The following PTH2R variants were observed in gnomAD, a reference collection of about 807,000 sequenced individuals.
PTH2R encodes the protein parathyroid hormone 2 receptor.
PTH2R carries 59 observed loss-of-function variants against 60.3 expected under a neutral mutation model. The observed-to-expected ratio is 0.98, with a 90% CI of 0.79 to 1.22. PTH2R has a LOEUF of 1.22. PTH2R is among the 50% of genes most tolerant of loss of function. The pLI is 0.00. For synonymous variants in PTH2R, 256 were observed against 243.8 expected (o/e 1.05, Z -0.47); for missense variants, 749 against 682.6 (o/e 1.10, Z -1.08).
At chr2:208,395,890 A>G (rs967815803) in intron 1 of PTH2R, among the ~76,000 whole-genome samples, 1 of 152,244 alleles carries the variant, frequency 6.6e-6, no homozygotes, top group African/African-American at 2.4e-5. Flanking sequence ...TGGAGGCATC[A>G]TGCTACCTGA....
chr2:208,445,008 T>C, intron 7 of PTH2R, 121 bp downstream of exon 7: 1 of 1,022,776 alleles, frequency 9.8e-7, no homozygotes, highest in Non-Finnish European at 1.4e-6. Flanking sequence ...ATTCTTATTT[T>C]TTATCTCCCT....
At chr2:208,401,560 T>A (rs557182672) in intron 1 of PTH2R, among the ~76,000 whole-genome samples, 1 of 152,258 alleles carries the variant, frequency 6.6e-6, no homozygotes, top group East Asian at 1.9e-4. Context: ...GTATTTTTTT[T>A]AAACTTAATC....
chr2:208,438,497 T>A (rs1702122169), intron 4 of PTH2R, among the ~76,000 whole-genome samples: 1 of 152,200 alleles, frequency 6.6e-6, no homozygotes, highest in South Asian at 2.1e-4. Flanking sequence ...AGAGCCCTTA[T>A]GTCCCAATTT....
At chr2:208,430,926 A>G (rs2105858156) in intron 2 of PTH2R, among the ~76,000 whole-genome samples, 1 of 152,216 alleles carries the variant, frequency 6.6e-6, no homozygotes, top group African/African-American at 2.4e-5. Context: ...CTCTGTATCT[A>G]GGTATAGATT....
chr2:208,430,577 C>T (rs1227151680), intron 2 of PTH2R, among the ~76,000 whole-genome samples: 1 of 140,636 alleles, frequency 7.1e-6, no homozygotes, highest in Admixed American at 7.5e-5. Flanking sequence ...GACGGAGTCT[C>T]GCTCTGTCAC....
chr2:208,490,388 A>G (rs558471418), intron 11 of PTH2R, among the ~76,000 whole-genome samples: 1 of 152,314 alleles, frequency 6.6e-6, no homozygotes, highest in Non-Finnish European at 1.5e-5. Context: ...AATAGGATAG[A>G]AACCTATTCC....
intron 1 of PTH2R, among the ~76,000 whole-genome samples, chr2:208,399,684 C>A (rs1701272607): frequency 6.6e-6 from 1 of 152,114 alleles, no homozygotes; most frequent in East Asian, 1.9e-4. Flanking sequence ...GCCTGAACAT[C>A]ATCTTATGTG....
intron 10 of PTH2R, among the ~76,000 whole-genome samples, chr2:208,487,195 TG>T (rs1371698200): frequency 1.3e-5 from 2 of 152,214 alleles, no homozygotes; most frequent in Non-Finnish European, 2.9e-5. Context: ...ATAGCTCATA[TG>T]GACTTCTAGG....
chr2:208,481,158 A>G lies in PTH2R; in HGVS notation c.1070A>G (p.Gln357Arg). ...TNAVGHDTRK[Q>R]YRKLAKSTLV... ...GCAGTTGGGCATGACACAAGGAAGC[A>G]ATACAGGTAATTTCAGGAGAGGCAT... The change falls in exon 10 of 13, where the codon CAA becomes CGA. Residue 357 changes from glutamine to arginine, a missense_variant. Transcript: ENST00000272847. 1 of 1,600,350 alleles carries G rather than the reference A, an allele frequency of 6.2e-7. No individual in the cohort carries two copies. The highest frequency in any genetic ancestry group is 1.3e-5 in the African/African-American group (1 of 74,576).
At chr2:208,444,571 T>C (rs990756873) in intron 6 of PTH2R, among the ~76,000 whole-genome samples, 163 bp from the exon 7 acceptor site, 1 of 152,198 alleles carries the variant, frequency 6.6e-6, no homozygotes. Flanking sequence ...AAATGATGCA[T>C]TAAAATAACT....
intron 1 of PTH2R, among the ~76,000 whole-genome samples, chr2:208,388,635 AAC>A (rs1424450443): frequency 1.3e-5 from 2 of 152,226 alleles, no homozygotes; most frequent in African/African-American, 4.8e-5. Context: ...TGTGGTTTGA[AAC>A]ACAGTGTAAT....
exon 1 of PTH2R, chr2:208,360,150 C>CA (rs11357589): frequency 0.044 from 19,495 of 447,268 alleles, 1,271 homozygotes; most frequent in African/African-American, 0.2. Context: ...AGCAGTTTGT[C>CA]ACCAGCATAG....
At chr2:208,366,468 A>G (rs987798571) in intron 1 of PTH2R, among the ~76,000 whole-genome samples, 1 of 152,168 alleles carries the variant, frequency 6.6e-6, no homozygotes, top group African/African-American at 2.4e-5. Flanking sequence ...CTCACCTTGC[A>G]ATACCCTTGT....
At chr2:208,465,693 G>A (rs919934533) in intron 9 of PTH2R, among the ~76,000 whole-genome samples, 5 of 151,942 alleles carry the variant, frequency 3.3e-5, no homozygotes, top group African/African-American at 1.2e-4. Flanking sequence ...ATGAGCCACC[G>A]CAGGGCCAAC....
At chr2:208,411,105 G>A (rs1029098336) in intron 1 of PTH2R, among the ~76,000 whole-genome samples, 4 of 152,154 alleles carry the variant, frequency 2.6e-5, no homozygotes, top group African/African-American at 9.7e-5. Flanking sequence ...AATTAGCTGG[G>A]CATGGTGGCA....
At chr2:208,437,713 G>C in intron 3 of PTH2R, 47 bp from the exon 4 acceptor site, 2 of 1,603,126 alleles carry the variant, frequency 1.2e-6, no homozygotes, top group Non-Finnish European at 1.7e-6. Context: ...CTTGATAATA[G>C]ATTCTAAGGG....
chr2:208,485,471 G>A (rs1703251356), intron 10 of PTH2R, among the ~76,000 whole-genome samples: 1 of 152,054 alleles, frequency 6.6e-6, no homozygotes, highest in African/African-American at 2.4e-5. Context: ...CCATATGGAC[G>A]CTGAAAAAAA....
Position 208,371,343 on chromosome 2 carries a change from G to A in PTH2R, c.-259+11106G>A, listed in dbSNP as rs557329381. Among the ~76,000 whole-genome samples, 13 of 152,208 alleles carry A rather than the reference G, an allele frequency of 8.5e-5. 1 individual carries two copies. The South Asian group carries it at 1.7e-3, about 19-fold the overall frequency. Reference sequence around the variant, plus strand: ...CCTTCTGAGGGACTTTCCAGACAGCGAGGTGACAGATGTTTACAAACGTGA... The same window carrying A: ...CCTTCTGAGGGACTTTCCAGACAGCAAGGTGACAGATGTTTACAAACGTGA... On this transcript the variant is annotated intron_variant, in intron 1 of 12. Coordinates refer to the PTH2R transcript ENST00000617735.
intron 5 of PTH2R, 112 bp from the exon 6 acceptor site, chr2:208,443,236 C>T: frequency 2.3e-6 from 2 of 884,156 alleles, no homozygotes; most frequent in Non-Finnish European, 3.3e-6. Context: ...GAGTCTCGAA[C>T]CAGTCCCTGC....
Sources: gnomAD v4.1 joint callset for allele counts (sites outside exome capture counted in the v4.1 genomes callset) on GRCh38, gnomAD v4.1.1 for gene constraint, MANE v1.5 for transcripts, NCBI Gene and HGNC (gene_info 2026-07-23, HGNC 2026-07-21) for gene names.